Variants in S100PBP observed in about 807,000 individuals in gnomAD.
S100PBP encodes S100P-binding protein.
Under a neutral mutation model 39.9 loss-of-function variants are expected in S100PBP, and 15 were observed. That is an observed-to-expected ratio of 0.38 (90% CI 0.25 to 0.58). S100PBP has a LOEUF of 0.58. S100PBP is among the 20% of genes least tolerant of loss of function. S100PBP has a pLI of 0.70. For synonymous variants in S100PBP, 178 were observed against 180.3 expected, an observed-to-expected ratio of 0.99 and a Z score of 0.10; for missense variants, 504 against 487.3, an observed-to-expected ratio of 1.03 and a Z score of -0.32.
At position 32,857,981 on chromosome 1, in the gene S100PBP, G is replaced by A. The variant is rs1036903742; in HGVS notation, c.*1943G>A. 3.9e-5 allele frequency: 6 copies of A among 152,202 alleles called. No individual in the cohort carries two copies. Among genetic ancestry groups the A allele is most frequent in the African/African-American group, 1.4e-4 (6 of 41,450 alleles). 9.4% of individuals were successfully genotyped at this position (152,202 alleles called of 1,614,324 possible). Reference sequence around the variant, plus strand: ...GCAGTAGTTGAAATCTATTATTTTAGTTAGCCTACTTGGCATTTACTACAT... The same window carrying A: ...GCAGTAGTTGAAATCTATTATTTTAATTAGCCTACTTGGCATTTACTACAT... On this transcript the variant is annotated 3_prime_UTR_variant, in exon 7 of 7. Coordinates refer to ENST00000373475, the MANE Select transcript of S100PBP (RefSeq NM_022753.4).
At chr1:32,848,223 C>CT (rs1242373212) in intron 5 of S100PBP, among the ~76,000 whole-genome samples, 1 of 152,102 alleles carries the variant, frequency 6.6e-6, no homozygotes, top group Non-Finnish European at 1.5e-5. Context: ...AGGAGAATTG[C>CT]TTGAAACCGG....
intron 5 of S100PBP, among the ~76,000 whole-genome samples, chr1:32,843,997 T>G (rs1640237987): frequency 6.6e-6 from 1 of 152,062 alleles, no homozygotes; most frequent in African/African-American, 2.4e-5. Context: ...CACTGCAGTC[T>G]CCGCCTTCCA....
At chr1:32,847,278 T>G (rs1640422392) in intron 5 of S100PBP, 1 of 152,228 alleles carries the variant, frequency 6.6e-6, no homozygotes, top group South Asian at 2.1e-4. Context: ...TCTCTCTGCT[T>G]TTATTTAGAA....
chr1:32,828,793 G>T (rs1443631387), intron 4 of S100PBP, among the ~76,000 whole-genome samples: 1 of 152,102 alleles, frequency 6.6e-6, no homozygotes, highest in Non-Finnish European at 1.5e-5. Flanking sequence ...TAGAACTCAG[G>T]AGTTCAGTAC....
chr1:32,817,302 A>G, upstream of S100PBP: 2 of 1,604,068 alleles, frequency 1.2e-6, no homozygotes, highest in Non-Finnish European at 1.7e-6. Context: ...TTCCTGGGTC[A>G]CCGTCGCCGC....
rs193278496 is a variant in S100PBP at position 32,833,681 on chromosome 1, T to C, written c.1024+3614T>C. 2.7e-3 allele frequency among the ~76,000 whole-genome samples: 407 copies of C among 152,164 alleles called. 1 individual carries two copies. The highest frequency in any genetic ancestry group is 9.2e-3 in the African/African-American group (382 of 41,514). ...AGCCCATTTTTTATTCTTTCAGACA[T>C]TAGAAATAATGATTCTCTCTCCTAC... On this transcript the variant is annotated intron_variant, in intron 5 of 6. Transcript: ENST00000373475.
intron 6 of S100PBP, among the ~76,000 whole-genome samples, chr1:32,855,453 G>A (rs1640781820): frequency 6.6e-6 from 1 of 152,130 alleles, no homozygotes; most frequent in South Asian, 2.1e-4. Flanking sequence ...CTCACATGAT[G>A]ACTTACCTTT....
intron 5 of S100PBP, among the ~76,000 whole-genome samples, chr1:32,838,672 G>A (rs1389214197): frequency 1.3e-5 from 2 of 151,922 alleles, no homozygotes; most frequent in Non-Finnish European, 2.9e-5. Context: ...GTGAAACCCC[G>A]TCTCTACTAA....
rs74728583 is a variant in S100PBP at position 32,856,294 on chromosome 1, T to A, written c.*256T>A. On this transcript the variant is annotated 3_prime_UTR_variant, in exon 7 of 7. Coordinates refer to ENST00000373475, the MANE Select transcript of S100PBP (RefSeq NM_022753.4). The stretch of plus-strand genomic sequence containing the variant: ...TTGGTATAGTTTTTTTTTGTTTTTT[T>A]AATTTAAATTGAAGGTAGCTGCCTC... 2.4e-3 allele frequency: 505 copies of A among 213,524 alleles called. 5 individuals are homozygous for A. The East Asian group carries it at 0.038, about 16-fold the overall frequency. The allele number at this position is 213,524 out of a possible 1,614,324, so 13.2% of individuals were successfully genotyped here.
intron 1 of S100PBP, among the ~76,000 whole-genome samples, chr1:32,824,330 C>T (rs1639224819): frequency 6.6e-6 from 1 of 151,966 alleles, no homozygotes. Context: ...TTTTTGAGTT[C>T]AGTATTTAAG....
In S100PBP at chr1:32,854,495, T is replaced by G. The variant is rs116254250; in HGVS notation, c.1112+1329T>G. ...TTTGACCCATGGTTGGTTAAATCCA[T>G]GGATGTAGAACCCATGGATATGGAG... On this transcript the variant is annotated intron_variant, in intron 6 of 6. Coordinates refer to ENST00000373475, the MANE Select transcript of S100PBP (RefSeq NM_022753.4). Among the ~76,000 whole-genome samples the G allele has an allele frequency of 7.6e-3, 1,164 of 152,318 alleles. 14 individuals carry two copies. Among genetic ancestry groups the G allele is most frequent in the African/African-American group, 0.026 (1,081 of 41,560 alleles).
At chr1:32,818,281 T>G (rs923294234) in intron 1 of S100PBP, 1 of 152,232 alleles carries the variant, frequency 6.6e-6, no homozygotes, top group African/African-American at 2.4e-5. Flanking sequence ...AGGCCCTTCC[T>G]GGAAGGCGAC....
chr1:32,824,737 G>GT (rs919981432), intron 1 of S100PBP, among the ~76,000 whole-genome samples: 5 of 143,740 alleles, frequency 3.5e-5, no homozygotes, highest in East Asian at 2.1e-4. Flanking sequence ...TGATTTTTCT[G>GT]TTTTTTTGTA....
chr1:32,843,978 A>ATCTCAGCTC (rs1640237571), intron 5 of S100PBP, among the ~76,000 whole-genome samples: 1 of 151,572 alleles, frequency 6.6e-6, no homozygotes, highest in South Asian at 2.1e-4. Flanking sequence ...CAGTGGCTCG[A>ATCTCAGCTC]TCTCAGCTCA....
intron 3 of S100PBP, among the ~76,000 whole-genome samples, chr1:32,827,367 A>AC: frequency 6.6e-6 from 1 of 152,362 alleles, no homozygotes; most frequent in East Asian, 1.9e-4. Flanking sequence ...ATATTAAGAT[A>AC]CAGCACTAGC....
intron 5 of S100PBP, among the ~76,000 whole-genome samples, chr1:32,852,435 T>C (rs1380275438): frequency 1.3e-5 from 2 of 152,196 alleles, no homozygotes; most frequent in Admixed American, 6.5e-5. Context: ...ATATGTAAAG[T>C]GTCTAGTACA....
At chr1:32,828,811 C>T (rs1179088866) in intron 4 of S100PBP, among the ~76,000 whole-genome samples, 5 of 152,064 alleles carry the variant, frequency 3.3e-5, no homozygotes, top group African/African-American at 7.2e-5. Flanking sequence ...TACCAATCTG[C>T]GCAACATGGC....
chr1:32,821,889 T>C (rs1639084499), intron 1 of S100PBP, among the ~76,000 whole-genome samples: 1 of 152,188 alleles, frequency 6.6e-6, no homozygotes, highest in African/African-American at 2.4e-5. Flanking sequence ...TCCGCCCAAC[T>C]TAGCCTCCGA....
chr1:32,822,768 G>A (rs1639142944), intron 1 of S100PBP, among the ~76,000 whole-genome samples: 1 of 151,958 alleles, frequency 6.6e-6, no homozygotes. Flanking sequence ...TGGAACATAA[G>A]AAGCTCAGAA....
Sources: gnomAD v4.1 joint callset for allele counts (sites outside exome capture counted in the v4.1 genomes callset) on GRCh38, gnomAD v4.1.1 for gene constraint, MANE v1.5 for transcripts, NCBI Gene and HGNC (gene_info 2026-07-23, HGNC 2026-07-21) for gene names.